PLCH1: variants seen among roughly 807,000 people sequenced by gnomAD.
PLCH1 encodes phospholipase C eta 1, also known as 1-phosphatidylinositol 4,5-bisphosphate phosphodiesterase eta-1.
A neutral mutation model predicts 126.7 loss-of-function variants in PLCH1; 60 were observed. The ratio of observed to expected loss-of-function variants is 0.47; its 90% CI spans 0.38 to 0.59. PLCH1 has a LOEUF of 0.59. Among genes scored for constraint, PLCH1 ranks in the 20% least tolerant of loss-of-function variants. PLCH1 has a pLI of 0.00. For missense variants in PLCH1, 1,723 were observed against 2,040.0 expected, an observed-to-expected ratio of 0.84 and a Z score of 2.99; for synonymous variants, 719 against 734.9, an observed-to-expected ratio of 0.98 and a Z score of 0.35.
At chr3:155,675,184 A>C (rs943013578) in intron 2 of PLCH1, among the ~76,000 whole-genome samples, 1 of 152,180 alleles carries the variant, frequency 6.6e-6, no homozygotes, top group African/African-American at 2.4e-5. Flanking sequence ...AACAATCTCC[A>C]GACAGGCTTT....
At chr3:155,685,493 C>T (rs1168433582) in intron 2 of PLCH1, among the ~76,000 whole-genome samples, 2 of 152,278 alleles carry the variant, frequency 1.3e-5, no homozygotes, top group East Asian at 1.9e-4. Context: ...CAAGTCAATT[C>T]CAAATCCAGA....
Position 155,480,975 on chromosome 3 carries a change from C to A in PLCH1, c.5051G>T (p.Arg1684Ile). ...DDKPEIYFLL[R>I]L ...AATGCAGTTTTAAATAATTCACAGTCTCAAAAGAAAATAAATTTCTGGTTT... is the reference window on the plus strand; with the variant it reads ...AATGCAGTTTTAAATAATTCACAGTATCAAAAGAAAATAAATTTCTGGTTT... Residue 1684 changes from arginine (R) to isoleucine (I), a missense_variant, in exon 23 of 23, where the codon AGA (arginine) becomes ATA (isoleucine). Physicochemically the swap from Arg to Ile is moderately conservative, Grantham distance 97. Around this residue, in one of 2 missense-constraint regions of PLCH1, gnomAD observed 947 missense variants for 977.1 expected, o/e 0.97. Transcript: ENST00000460012. 1.9e-6 allele frequency: 3 copies of A among 1,580,316 alleles called. No homozygotes were observed. In the South Asian group the frequency reaches 3.4e-5, roughly 18 times the overall value.
intron 10 of PLCH1, among the ~76,000 whole-genome samples, chr3:155,541,274 T>C (rs1724191655): frequency 6.6e-6 from 1 of 152,172 alleles, no homozygotes; most frequent in African/African-American, 2.4e-5. Context: ...GACTGCTCAC[T>C]GGGTACAGTG....
In PLCH1 at chr3:155,554,227, C is replaced by T. The variant is rs374722566; in HGVS notation, c.1070-31G>A. On this transcript the variant is annotated intron_variant, in intron 8 of 22. Coordinates refer to ENST00000460012, the MANE Select transcript of PLCH1 (RefSeq NM_014996.4). ...AAAAACAGAACTTTATATCAACAAC[C>T]CAAAGTCTCTGGTGTTTATTAATAT... is the stretch of plus-strand genomic sequence containing the variant. The T allele has an allele frequency of 1.9e-6, 3 of 1,604,016 alleles. No individual in the cohort carries two copies. The African/African-American group carries it at 4.0e-5, about 22-fold the overall frequency.
chr3:155,636,050 C>G (rs987151553), intron 2 of PLCH1, among the ~76,000 whole-genome samples: 1 of 152,178 alleles, frequency 6.6e-6, no homozygotes, highest in Non-Finnish European at 1.5e-5. Context: ...ATCATAGCCT[C>G]AAATCATTTC....
chr3:155,680,332 G>A (rs971010550), intron 2 of PLCH1, among the ~76,000 whole-genome samples: 10 of 152,122 alleles, frequency 6.6e-5, no homozygotes, highest in African/African-American at 9.6e-5. Context: ...GCAGTGAGCC[G>A]AGATCATGCC....
At chr3:155,529,233 A>G (rs1722345518) in intron 10 of PLCH1, among the ~76,000 whole-genome samples, 1 of 152,182 alleles carries the variant, frequency 6.6e-6, no homozygotes, top group Non-Finnish European at 1.5e-5. Flanking sequence ...TAGAGACTGG[A>G]CTGGAAGCAT....
At chr3:155,495,062 A>G (rs948262272) in intron 15 of PLCH1, among the ~76,000 whole-genome samples, 1 of 152,214 alleles carries the variant, frequency 6.6e-6, no homozygotes, top group Admixed American at 6.5e-5. Context: ...GTTGCTTTGA[A>G]TAGAACTATG....
intron 1 of PLCH1, among the ~76,000 whole-genome samples, chr3:155,715,853 C>T (rs950730889): frequency 6.6e-6 from 1 of 152,140 alleles, no homozygotes; most frequent in Non-Finnish European, 1.5e-5. Context: ...ATCCTCCCAC[C>T]TCAGCTTCCC....
intron 2 of PLCH1, among the ~76,000 whole-genome samples, chr3:155,672,130 A>C (rs1013038083): frequency 6.6e-6 from 1 of 152,144 alleles, no homozygotes; most frequent in Non-Finnish European, 1.5e-5. Flanking sequence ...AACGTAAAAT[A>C]TGATGAATCC....
At chr3:155,712,196 C>A (rs1376739798) in intron 1 of PLCH1, among the ~76,000 whole-genome samples, 6 of 152,292 alleles carry the variant, frequency 3.9e-5, no homozygotes, top group African/African-American at 1.2e-4. Context: ...GTTCTAACAA[C>A]CAACTCACAG....
At chr3:155,548,356 T>C (rs1725667079) in intron 10 of PLCH1, among the ~76,000 whole-genome samples, 1 of 152,236 alleles carries the variant, frequency 6.6e-6, no homozygotes, top group Non-Finnish European at 1.5e-5. Flanking sequence ...GGATCTCAGA[T>C]GCTCTTGAAA....
In PLCH1 at chr3:155,615,430, C is replaced by T. The variant is rs1295245900; in HGVS notation, c.80-19052G>A. 2.0e-5 allele frequency among the ~76,000 whole-genome samples: 3 copies of T among 152,130 alleles called. No homozygotes were observed. In the South Asian group the frequency reaches 6.2e-4, roughly 31 times the overall value. ...ACCAGTTGATCCAGCAATCCCACTACTGGATGTCTACCCAGAGAAATAGAA... is the reference window on the plus strand; with the variant it reads ...ACCAGTTGATCCAGCAATCCCACTATTGGATGTCTACCCAGAGAAATAGAA... On this transcript the variant is annotated intron_variant, in intron 2 of 22. Coordinates refer to ENST00000460012, the MANE Select transcript of PLCH1 (RefSeq NM_014996.4).
intron 1 of PLCH1, among the ~76,000 whole-genome samples, chr3:155,713,630 G>A (rs1311781207): frequency 1.3e-5 from 2 of 152,124 alleles, no homozygotes; most frequent in Non-Finnish European, 2.9e-5. Flanking sequence ...CTAGTTCATG[G>A]GACATAGTAA....
chr3:155,696,349 AG>A (rs1271611786), intron 2 of PLCH1, among the ~76,000 whole-genome samples: 1 of 152,170 alleles, frequency 6.6e-6, no homozygotes, highest in African/African-American at 2.4e-5. Flanking sequence ...AGGAGATTGG[AG>A]GGTTTCATGA....
chr3:155,458,640 C>T (rs1712592273), intron 21 of PLCH1, among the ~76,000 whole-genome samples: 2 of 152,004 alleles, frequency 1.3e-5, no homozygotes, highest in African/African-American at 4.8e-5. Context: ...TGTGGGTAAA[C>T]TGGAAATGTG....
intron 21 of PLCH1, chr3:155,456,717 CA>C (rs1712452223): frequency 6.6e-6 from 1 of 152,268 alleles, no homozygotes; most frequent in African/African-American, 2.4e-5. Context: ...CCAAGATATT[CA>C]AGAGAGAAAA....
chr3:155,642,648 CT>C (rs1739537681), intron 2 of PLCH1, among the ~76,000 whole-genome samples: 1 of 152,236 alleles, frequency 6.6e-6, no homozygotes, highest in Admixed American at 6.5e-5. Context: ...GCTACATAGA[CT>C]TTAAACATGC....
At chr3:155,736,916 T>C (rs1303138597) in intron 1 of PLCH1, among the ~76,000 whole-genome samples, 1 of 152,032 alleles carries the variant, frequency 6.6e-6, no homozygotes, top group Non-Finnish European at 1.5e-5. Flanking sequence ...AGTTGAAAGC[T>C]TCAAAATTCA....
Sources: allele counts gnomAD v4.1 joint callset (sites outside exome capture counted in the v4.1 genomes callset), GRCh38; gene constraint gnomAD v4.1.1; regional missense constraint gnomAD v4.1.1; transcripts MANE v1.5; gene names NCBI Gene and HGNC (gene_info 2026-07-23, HGNC 2026-07-21).